DIPK1A: variants seen among roughly 807,000 people sequenced by gnomAD.
DIPK1A encodes the protein family with sequence similarity 69 member A.
Under a neutral mutation model 40.8 loss-of-function variants are expected in DIPK1A, and 27 were observed. That is an observed-to-expected ratio of 0.66 (90% CI 0.49 to 0.91). The LOEUF (loss-of-function observed/expected upper bound fraction) is 0.91, where lower values mean the gene tolerates loss of function less well. DIPK1A is among the 40% of genes least tolerant of loss of function. The probability of loss-of-function intolerance (pLI) is 0.00; values close to 1 mark genes in which losing one functional copy is unlikely to be tolerated. For synonymous variants in DIPK1A, 166 were observed against 171.3 expected (o/e 0.97, Z 0.24); for missense variants, 412 against 505.7 (o/e 0.81, Z 1.78).
At chr1:92,908,601 A>C (rs1460197929) in intron 1 of DIPK1A, among the ~76,000 whole-genome samples, 1 of 152,230 alleles carries the variant, frequency 6.6e-6, no homozygotes, top group African/African-American at 2.4e-5. Flanking sequence ...AAAGACAACC[A>C]GGTAGATACC....
intron 2 of DIPK1A, among the ~76,000 whole-genome samples, chr1:92,859,375 C>G (rs1688094976): frequency 6.6e-6 from 1 of 152,176 alleles, no homozygotes; most frequent in South Asian, 2.1e-4. Flanking sequence ...CTCTCTCTCT[C>G]TCAGCCATTA....
intron 1 of DIPK1A, among the ~76,000 whole-genome samples, chr1:92,894,639 GA>G (rs1201590886): frequency 6.6e-6 from 1 of 152,020 alleles, no homozygotes; most frequent in East Asian, 1.9e-4. Context: ...CAGAAGGCAA[GA>G]AATAACTAAG....
chr1:92,956,599 G>A (rs1651864977), intron 1 of DIPK1A, among the ~76,000 whole-genome samples: 1 of 152,158 alleles, frequency 6.6e-6, no homozygotes, highest in Admixed American at 6.5e-5. Flanking sequence ...TTTTACTACA[G>A]TATTTGGCAA....
intron 1 of DIPK1A, among the ~76,000 whole-genome samples, chr1:92,891,267 C>T (rs1314425662): frequency 6.6e-6 from 1 of 151,154 alleles, no homozygotes; most frequent in East Asian, 1.9e-4. Flanking sequence ...TTTGAAAAAC[C>T]AATTTTTCAT....
At chr1:92,876,501 C>T (rs553800333) in intron 1 of DIPK1A, 71 bp from the exon 2 acceptor site, 8 of 1,482,280 alleles carry the variant, frequency 5.4e-6, no homozygotes, top group Non-Finnish European at 7.4e-6. Flanking sequence ...TAGAACACGA[C>T]TTCTCACCCT....
intron 1 of DIPK1A, among the ~76,000 whole-genome samples, chr1:92,958,740 G>A (rs1651942192): frequency 6.6e-6 from 1 of 152,218 alleles, no homozygotes; most frequent in South Asian, 2.1e-4. Flanking sequence ...GCTGATAAGA[G>A]GAGGGTTTTT....
At chr1:92,936,536 G>A (rs1650952320) in intron 1 of DIPK1A, among the ~76,000 whole-genome samples, 1 of 151,260 alleles carries the variant, frequency 6.6e-6, no homozygotes, top group African/African-American at 2.4e-5. Flanking sequence ...GGCTGAGGCA[G>A]AAGAATTGCT....
chr1:92,880,334 A>G (rs559669073), intron 1 of DIPK1A, among the ~76,000 whole-genome samples: 93 of 152,356 alleles, frequency 6.1e-4, no homozygotes, highest in African/African-American at 2.0e-3. Flanking sequence ...TCTGTCTGGA[A>G]ATAACAGAAG....
chr1:92,851,969 A>C (rs1264792540), intron 2 of DIPK1A, among the ~76,000 whole-genome samples: 2 of 152,178 alleles, frequency 1.3e-5, no homozygotes, highest in South Asian at 2.1e-4. Context: ...AATGCTCAGA[A>C]ATGTTCTCTT....
chr1:92,915,051 G>GCAC (rs1218646888), intron 1 of DIPK1A, among the ~76,000 whole-genome samples: 1 of 136,036 alleles, frequency 7.4e-6, no homozygotes, highest in Non-Finnish European at 1.5e-5. Flanking sequence ...TGGCACCACT[G>GCAC]CACTTCAGCC....
At chr1:92,851,562 A>AAAAAAAAAC (rs1687826700) in intron 2 of DIPK1A, among the ~76,000 whole-genome samples, 5 of 92,730 alleles carry the variant, frequency 5.4e-5, no homozygotes, top group Non-Finnish European at 1.2e-4. Context: ...AAAAAAAAAA[A>AAAAAAAAAC]CTTCTGGTTT....
At chr1:92,861,182 C>T (rs760602570) in intron 2 of DIPK1A, among the ~76,000 whole-genome samples, 1 of 152,064 alleles carries the variant, frequency 6.6e-6, no homozygotes, top group Non-Finnish European at 1.5e-5. Context: ...AAGATGTTGG[C>T]TGTGGGTTTT....
chr1:92,854,712 T>A (rs1402338083), intron 2 of DIPK1A, among the ~76,000 whole-genome samples: 1 of 152,244 alleles, frequency 6.6e-6, no homozygotes, highest in South Asian at 2.1e-4. Context: ...GCAATCTAGT[T>A]CTTAAACTCA....
chr1:92,866,487 T>C (rs993214734), intron 2 of DIPK1A, among the ~76,000 whole-genome samples: 8 of 152,218 alleles, frequency 5.3e-5, no homozygotes, highest in African/African-American at 9.6e-5. Flanking sequence ...CATAGATCCT[T>C]TCTTTCTTTA....
At chr1:92,846,886 C>CAT (rs765861026) in intron 4 of DIPK1A, among the ~76,000 whole-genome samples, 4 of 4,932 alleles carry the variant, frequency 8.1e-4, no homozygotes, top group African/African-American at 5.4e-3. Flanking sequence ...TATATATACA[C>CAT]ACACACGTAT....
At chr1:92,893,502 G>A (rs968726715) in intron 1 of DIPK1A, among the ~76,000 whole-genome samples, 2 of 152,002 alleles carry the variant, frequency 1.3e-5, no homozygotes, top group African/African-American at 2.4e-5. Context: ...CCTGAAGGAA[G>A]CACTAAACAT....
intron 3 of DIPK1A, 85 bp downstream of exon 3, chr1:92,850,763 C>A: frequency 1.2e-6 from 1 of 803,444 alleles, no homozygotes; most frequent in Non-Finnish European, 2.0e-6. Flanking sequence ...AGCTTTGGTT[C>A]AAGAATTCTT....
At chr1:92,921,284 GT>G (rs1650258615) in intron 1 of DIPK1A, among the ~76,000 whole-genome samples, 1 of 152,144 alleles carries the variant, frequency 6.6e-6, no homozygotes, top group Non-Finnish European at 1.5e-5. Context: ...AAGCAATTGT[GT>G]TTTGGTTTTT....
At chr1:92,925,563 G>A (rs1007218976) in intron 1 of DIPK1A, among the ~76,000 whole-genome samples, 9 of 151,852 alleles carry the variant, frequency 5.9e-5, no homozygotes, top group African/African-American at 1.9e-4. Flanking sequence ...GTACGATCTC[G>A]GCTCACTGCA....
Sources: gnomAD v4.1 joint callset for allele counts (sites outside exome capture counted in the v4.1 genomes callset) on GRCh38, gnomAD v4.1.1 for gene constraint, MANE v1.5 for transcripts, NCBI Gene and HGNC (gene_info 2026-07-23, HGNC 2026-07-21) for gene names.